The following MYO3B variants were observed in gnomAD, a reference collection of about 807,000 sequenced individuals.
MYO3B encodes the protein myosin IIIB.
Under a neutral mutation model 174.6 loss-of-function variants are expected in MYO3B, and 156 were observed. The observed-to-expected ratio is 0.89, with a 90% CI of 0.78 to 1.02. MYO3B has a LOEUF of 1.02. MYO3B is among the 50% of genes least tolerant of loss of function. MYO3B has a pLI of 0.00. For missense variants in MYO3B, 1,632 were observed against 1,639.4 expected (o/e 1.00, Z 0.08); for synonymous variants, 563 against 569.1 (o/e 0.99, Z 0.15).
At chr2:170,199,082 A>G (rs940259498) in intron 1 of MYO3B, 126 bp from the exon 2 acceptor site, 23 of 650,166 alleles carry the variant, frequency 3.5e-5, no homozygotes, top group Admixed American at 3.4e-4. Flanking sequence ...ATTTATTTAC[A>G]ATAGAGGAAG....
chr2:170,202,885 G>A (rs1411607134), intron 3 of MYO3B, among the ~76,000 whole-genome samples: 1 of 152,190 alleles, frequency 6.6e-6, no homozygotes, highest in Admixed American at 6.5e-5. Context: ...GGACGAGTGA[G>A]AAGCTATTCC....
chr2:170,524,209 G>A (rs181162297), intron 30 of MYO3B, among the ~76,000 whole-genome samples: 69 of 152,220 alleles, frequency 4.5e-4, no homozygotes, highest in African/African-American at 1.6e-3. Flanking sequence ...CAGCCTTCTG[G>A]GTTGGTGTTA....
chr2:170,417,281 C>G (rs1194263411), intron 22 of MYO3B, among the ~76,000 whole-genome samples: 1 of 152,184 alleles, frequency 6.6e-6, no homozygotes, highest in Non-Finnish European at 1.5e-5. Flanking sequence ...ACATCTATCT[C>G]TATCCCTGCC....
At chr2:170,307,626 C>A (rs2093709881) in intron 7 of MYO3B, among the ~76,000 whole-genome samples, 1 of 152,050 alleles carries the variant, frequency 6.6e-6, no homozygotes. Context: ...CAGGAAGTTT[C>A]TTTATTTTGC....
At chr2:170,397,444 A>G (rs930391189) in intron 16 of MYO3B, among the ~76,000 whole-genome samples, 1 of 152,224 alleles carries the variant, frequency 6.6e-6, no homozygotes, top group East Asian at 1.9e-4. Context: ...TTCTCTGTCT[A>G]TAAGCATAAA....
chr2:170,413,863 C>T (rs1230567425), intron 22 of MYO3B, among the ~76,000 whole-genome samples: 1 of 151,794 alleles, frequency 6.6e-6, no homozygotes, highest in Non-Finnish European at 1.5e-5. Context: ...CATAGTGAAA[C>T]CCTGACTCTA....
At chr2:170,530,548 C>G (rs1013486514) in intron 30 of MYO3B, among the ~76,000 whole-genome samples, 1 of 152,196 alleles carries the variant, frequency 6.6e-6, no homozygotes, top group African/African-American at 2.4e-5. Flanking sequence ...ACCACATGGC[C>G]GCTCTCGGGT....
chr2:170,180,116 C>T (rs1005080492), intron 1 of MYO3B: 24 of 405,568 alleles, frequency 5.9e-5, no homozygotes, highest in Admixed American at 4.2e-4. Context: ...AAATCATGCT[C>T]GCTAGGCTTG....
intron 7 of MYO3B, among the ~76,000 whole-genome samples, chr2:170,252,962 C>G (rs940575014): frequency 1.9e-4 from 29 of 152,114 alleles, no homozygotes; most frequent in Non-Finnish European, 8.8e-5. Flanking sequence ...CTGGAGAGAG[C>G]TGGGGACAGA....
chr2:170,214,725 G>T lies in MYO3B; in HGVS notation c.427-4G>T. The T allele has an allele frequency of 1.2e-6, 2 of 1,613,398 alleles. No homozygotes were observed. The highest frequency in any genetic ancestry group is 2.2e-5 in the South Asian group (2 of 91,042). On this transcript the variant is annotated splice_region_variant and splice_polypyrimidine_tract_variant and intron_variant, in intron 4 of 34. Transcript: ENST00000408978. The stretch of plus-strand genomic sequence containing the variant: ...TTGTTTGGTGGTGGTGGGATGCCAT[G>T]CAGGGCCTTCAGCATTTGCACAACA...
At chr2:170,385,322 T>C (rs1288005171) in intron 12 of MYO3B, among the ~76,000 whole-genome samples, 3 of 152,186 alleles carry the variant, frequency 2.0e-5, no homozygotes. Flanking sequence ...ATGTTTGGTC[T>C]TTCTAATGAC....
rs867212931 is a variant in MYO3B at position 170,400,250 on chromosome 2, A to G, written c.1854A>G (p.Ala618=). Residue 618 remains alanine (A), a synonymous_variant, in exon 17 of 35, where the codon GCA becomes GCG. Coordinates refer to ENST00000408978, the MANE Select transcript of MYO3B (RefSeq NM_138995.5). ...GILNIGNIEF[A]AISSQHQTDK... ...TGAATATTGGGAACATTGAGTTCGC[A>G]GCTATTTCCTCTCAACATCAGACTG... The G allele has an allele frequency of 6.2e-7, 1 of 1,614,136 alleles. No individual in the cohort carries two copies. The highest frequency in any genetic ancestry group is 1.1e-5 in the South Asian group (1 of 91,084).
chr2:170,317,934 C>T (rs140437899), intron 7 of MYO3B, among the ~76,000 whole-genome samples: 68 of 152,188 alleles, frequency 4.5e-4, no homozygotes, highest in African/African-American at 1.6e-3. Flanking sequence ...ATTCATGGGA[C>T]GCATTGAAAA....
At chr2:170,255,740 A>C (rs1281830579) in intron 7 of MYO3B, among the ~76,000 whole-genome samples, 1 of 152,212 alleles carries the variant, frequency 6.6e-6, no homozygotes, top group African/African-American at 2.4e-5. Context: ...AATTCAAGAA[A>C]TCAGAGTGTT....
chr2:170,212,111 C>T (rs994815336), intron 3 of MYO3B, among the ~76,000 whole-genome samples: 1 of 151,966 alleles, frequency 6.6e-6, no homozygotes, highest in Non-Finnish European at 1.5e-5. Flanking sequence ...GGTGTGGTGG[C>T]GCATACCTGT....
At chr2:170,584,709 T>C (rs1354476328) in intron 32 of MYO3B, among the ~76,000 whole-genome samples, 1 of 152,256 alleles carries the variant, frequency 6.6e-6, no homozygotes, top group Non-Finnish European at 1.5e-5. Flanking sequence ...TCTTAATAGC[T>C]ACATTATTTC....
chr2:170,199,493 T>C, intron 2 of MYO3B, 102 bp downstream of exon 2: 2 of 924,186 alleles, frequency 2.2e-6, no homozygotes, highest in Admixed American at 6.0e-5. Flanking sequence ...TGAAACCTGG[T>C]ATGAAATCTC....
chr2:170,516,660 A>C (rs1363992328), intron 29 of MYO3B, among the ~76,000 whole-genome samples: 1 of 147,812 alleles, frequency 6.8e-6, no homozygotes, highest in Non-Finnish European at 1.5e-5. Context: ...AAAAAAAAAA[A>C]TGTGAATGGC....
chr2:170,621,552 C>G (rs1421619430), intron 32 of MYO3B, among the ~76,000 whole-genome samples: 1 of 151,244 alleles, frequency 6.6e-6, no homozygotes, highest in East Asian at 1.9e-4. Flanking sequence ...ACTCTGTGCC[C>G]AGGCTGGAGT....
Sources: allele counts gnomAD v4.1 joint callset (sites outside exome capture counted in the v4.1 genomes callset), GRCh38; gene constraint gnomAD v4.1.1; transcripts MANE v1.5; gene names NCBI Gene and HGNC (gene_info 2026-07-23, HGNC 2026-07-21).